SDK2: variants seen among roughly 807,000 people sequenced by gnomAD.
SDK2 encodes the protein sidekick cell adhesion molecule 2, also known as protein sidekick-2.
Under a neutral mutation model 253.9 loss-of-function variants are expected in SDK2, and 105 were observed. The observed-to-expected ratio is 0.41, with a 90% CI of 0.35 to 0.49. SDK2 has a LOEUF of 0.49. SDK2 is among the 20% of genes least tolerant of loss of function. The pLI is 0.06. For synonymous variants in SDK2, 1,249 were observed against 1,234.9 expected (o/e 1.01, Z -0.24); for missense variants, 2,608 against 3,003.0 (o/e 0.87, Z 3.07).
chr17:73,567,672 A>G (rs1226474889), intron 1 of SDK2, among the ~76,000 whole-genome samples: 1 of 152,270 alleles, frequency 6.6e-6, no homozygotes, highest in African/African-American at 2.4e-5. Flanking sequence ...CAACCCTCAC[A>G]CCAGTGTGCC....
chr17:73,391,904 G>A (rs887696890), intron 27 of SDK2, among the ~76,000 whole-genome samples: 5 of 152,168 alleles, frequency 3.3e-5, no homozygotes, highest in Non-Finnish European at 5.9e-5. Flanking sequence ...CCACCCATGG[G>A]GTGAAGTGGC....
intron 2 of SDK2, among the ~76,000 whole-genome samples, chr17:73,506,125 G>A (rs2145757457): frequency 6.6e-6 from 1 of 152,368 alleles, no homozygotes; most frequent in Non-Finnish European, 1.5e-5. Flanking sequence ...CATGCTCTTG[G>A]TCACCCACTT....
intron 1 of SDK2, among the ~76,000 whole-genome samples, chr17:73,600,201 C>T (rs547442725): frequency 7.9e-5 from 12 of 152,276 alleles, no homozygotes; most frequent in African/African-American, 2.4e-4. Flanking sequence ...GCCACTTCCT[C>T]GGTCCCATCC....
chr17:73,538,200 G>T (rs1459412267), intron 1 of SDK2, among the ~76,000 whole-genome samples: 1 of 152,278 alleles, frequency 6.6e-6, no homozygotes, highest in South Asian at 2.1e-4. Flanking sequence ...TAGGTGCCAC[G>T]GTTGTGCTGA....
At chr17:73,531,239 C>G (rs995976003) in intron 1 of SDK2, among the ~76,000 whole-genome samples, 2 of 152,224 alleles carry the variant, frequency 1.3e-5, no homozygotes, top group African/African-American at 4.8e-5. Context: ...TGATGACCTC[C>G]AACATGCTCA....
chr17:73,579,788 C>G (rs936360788), intron 1 of SDK2, among the ~76,000 whole-genome samples: 2 of 152,134 alleles, frequency 1.3e-5, no homozygotes, highest in Non-Finnish European at 2.9e-5. Context: ...ACCAGCCTGG[C>G]CAACATGGTG....
chr17:73,641,603 A>C (rs143272973), intron 1 of SDK2, among the ~76,000 whole-genome samples: 638 of 152,108 alleles, frequency 4.2e-3, no homozygotes, highest in African/African-American at 0.014. Context: ...CCCAAAAAAA[A>C]CCAACCAGGC....
intron 2 of SDK2, among the ~76,000 whole-genome samples, chr17:73,498,264 T>C (rs1201725008): frequency 6.6e-6 from 1 of 152,192 alleles, no homozygotes; most frequent in Non-Finnish European, 1.5e-5. Flanking sequence ...TCAAGTTCTG[T>C]GTCTCCCAGG....
At chr17:73,489,582 G>T (rs1791557389) in intron 2 of SDK2, among the ~76,000 whole-genome samples, 1 of 152,180 alleles carries the variant, frequency 6.6e-6, no homozygotes, top group Non-Finnish European at 1.5e-5. Flanking sequence ...TAGACCAGAT[G>T]TTCCAGGATT....
intron 3 of SDK2, among the ~76,000 whole-genome samples, chr17:73,458,067 C>T (rs114920716): frequency 0.01 from 1,584 of 152,270 alleles, 26 homozygotes; most frequent in African/African-American, 0.036. Context: ...CAGCTTCAAC[C>T]TCTTGGGCTC....
At chr17:73,637,527 C>A (rs748620378) in intron 1 of SDK2, among the ~76,000 whole-genome samples, 1 of 152,110 alleles carries the variant, frequency 6.6e-6, no homozygotes, top group East Asian at 1.9e-4. Context: ...TACAGGCATG[C>A]GCCACCACAC....
intron 27 of SDK2, among the ~76,000 whole-genome samples, chr17:73,392,053 C>A (rs1232027348): frequency 2.6e-5 from 4 of 152,146 alleles, no homozygotes; most frequent in South Asian, 2.1e-4. Flanking sequence ...TGGGCCTCGT[C>A]CCCACATCCA....
intron 25 of SDK2, 146 bp from the exon 26 acceptor site, chr17:73,394,470 T>C: frequency 2.1e-6 from 1 of 482,652 alleles, no homozygotes; most frequent in Non-Finnish European, 3.6e-6. Context: ...GTCCCCAAAC[T>C]GCAAACAATC....
At chr17:73,360,356 G>T (rs1181249907) in intron 39 of SDK2, among the ~76,000 whole-genome samples, 2 of 152,202 alleles carry the variant, frequency 1.3e-5, no homozygotes, top group Non-Finnish European at 2.9e-5. Flanking sequence ...TAAGCCATTA[G>T]GGGAAGACTC....
At chr17:73,370,240 C>A (rs2062723321) in intron 36 of SDK2, among the ~76,000 whole-genome samples, 1 of 152,096 alleles carries the variant, frequency 6.6e-6, no homozygotes, top group African/African-American at 2.4e-5. Context: ...CCCTCTCCCC[C>A]TTTATTATTA....
chr17:73,350,394 T>G lies in SDK2; in HGVS notation c.5900-19A>C. The G allele has an allele frequency of 6.2e-7, 1 of 1,610,292 alleles. No homozygotes were observed. Among genetic ancestry groups the G allele is most frequent in the South Asian group, 1.1e-5 (1 of 90,474 alleles). On this transcript the variant is annotated intron_variant, in intron 42 of 44. Transcript: ENST00000392650. ...CTGTTCCCTGAAGTCGGCGGGAGATTGACACCCTTTAGACTGTGTGGCCTC... is the reference window on the plus strand; with the variant it reads ...CTGTTCCCTGAAGTCGGCGGGAGATGGACACCCTTTAGACTGTGTGGCCTC...
chr17:73,489,506 A>G (rs1168642579), intron 2 of SDK2, among the ~76,000 whole-genome samples: 1 of 152,236 alleles, frequency 6.6e-6, no homozygotes, highest in Non-Finnish European at 1.5e-5. Flanking sequence ...AGCACCGCCC[A>G]GATGGCCGGA....
At chr17:73,469,479 G>A (rs1023255537) in intron 3 of SDK2, among the ~76,000 whole-genome samples, 2 of 152,200 alleles carry the variant, frequency 1.3e-5, no homozygotes, top group African/African-American at 2.4e-5. Flanking sequence ...CCCAGAGGGC[G>A]GGCCCAGGTC....
chr17:73,377,190 C>T (rs1265819903), intron 36 of SDK2, among the ~76,000 whole-genome samples: 1 of 151,798 alleles, frequency 6.6e-6, no homozygotes, highest in African/African-American at 2.4e-5. Context: ...CCAGCTCTTC[C>T]AACCAGACAG....
Sources: gnomAD v4.1 joint callset for allele counts (sites outside exome capture counted in the v4.1 genomes callset) on GRCh38, gnomAD v4.1.1 for gene constraint, MANE v1.5 for transcripts, NCBI Gene and HGNC (gene_info 2026-07-23, HGNC 2026-07-21) for gene names.